Variants in SLC46A3 observed in about 807,000 individuals in gnomAD.
SLC46A3 encodes the protein lysosomal proton-coupled steroid conjugate and bile acid symporter SLC46A3.
Under a neutral mutation model 38.5 loss-of-function variants are expected in SLC46A3, and 26 were observed. The ratio of observed to expected loss-of-function variants is 0.68; its 90% confidence interval spans 0.49 to 0.94. The LOEUF (loss-of-function observed/expected upper bound fraction) is 0.94, where lower values mean the gene tolerates loss of function less well. SLC46A3 is among the 40% of genes least tolerant of loss of function. SLC46A3 has a pLI of 0.00. For missense variants in SLC46A3, 510 were observed against 544.3 expected (o/e 0.94, Z 0.63); for synonymous variants, 185 against 192.5 (o/e 0.96, Z 0.32).
At chr13:28,717,485 CTTTTTT>C (rs56878379) in intron 2 of SLC46A3, among the ~76,000 whole-genome samples, 3 of 126,912 alleles carry the variant, frequency 2.4e-5, no homozygotes, top group Admixed American at 8.1e-5. Flanking sequence ...AATTTTCAGA[CTTTTTT>C]TTTTTTTTTT....
At chr13:28,708,288 T>TA (rs1885235394) in intron 4 of SLC46A3, among the ~76,000 whole-genome samples, 1 of 152,194 alleles carries the variant, frequency 6.6e-6, no homozygotes, top group South Asian at 2.1e-4. Flanking sequence ...ACTCGCAGTG[T>TA]ATGAGGGCTC....
chr13:28,711,627 T>A (rs1662485635), intron 3 of SLC46A3, among the ~76,000 whole-genome samples: 1 of 152,240 alleles, frequency 6.6e-6, no homozygotes, highest in African/African-American at 2.4e-5. Flanking sequence ...TTCATCTTTG[T>A]GGCAGAATAA....
rs201432125 is a variant in SLC46A3, at chr13:28,713,144, G to T, written c.596C>A (p.Ser199Ter). 2.2e-5 allele frequency: 35 copies of T among 1,613,598 alleles called. No individual in the cohort carries two copies. The highest frequency in any genetic ancestry group is 3.3e-4 in the Middle Eastern group (2 of 6,062). The change falls in exon 3 of 6, where the codon TCG becomes TAG. Residue 199 changes from serine to a stop codon, truncating the protein, a stop_gained. Coordinates refer to ENST00000266943, the MANE Select transcript of SLC46A3 (RefSeq NM_181785.4). LOFTEE classifies it high-confidence loss of function. The stretch of plus-strand genomic sequence containing the variant: ...AAGAGACACAGCAATAATTAGAAAC[G>T]ACCACTCAAAACCTAGCTCTCTAAT... ...YFIRELGFEWSFLIIAVSLAV... is the reference protein window; with the variant it reads ...YFIRELGFEW
rs181557630 is a variant in SLC46A3, at chr13:28,713,209, T to C, written c.531A>G (p.Gly177=). 1.1e-5 allele frequency: 18 copies of C among 1,614,092 alleles called. No individual in the cohort carries two copies. The East Asian group carries it at 4.0e-4, about 36-fold the overall frequency. The change falls in exon 3 of 6, where the codon GGA becomes GGG. Residue 177 remains glycine, a synonymous_variant. Transcript: ENST00000266943. ...IRIAIIDFLL[G]LVTGLTGLSS... ...ACAGTCCTGTTAGTCCAGTAACAAGTCCAAGTAGAAAGTCAATGATAGCTA... is the reference window on the plus strand; with the variant it reads ...ACAGTCCTGTTAGTCCAGTAACAAGCCCAAGTAGAAAGTCAATGATAGCTA...
chr13:28,704,255 G>A, intron 4 of SLC46A3, 156 bp from the exon 5 acceptor site: 1 of 676,216 alleles, frequency 1.5e-6, no homozygotes, highest in South Asian at 2.1e-5. Context: ...CAAAGTCCCT[G>A]AGAAGTCAGC....
chr13:28,713,291 G>T lies in SLC46A3; in HGVS notation c.449C>A (p.Ala150Asp). The change falls in exon 3 of 6, where the codon GCT becomes GAT. Residue 150 changes from alanine to aspartate, a missense_variant. Coordinates refer to ENST00000266943, the MANE Select transcript of SLC46A3 (RefSeq NM_181785.4). ...FCGNYTTFWG[A>D]CFAYIVDQCK... Reference sequence around the variant, plus strand: ...CTGATCAACTATATAGGCAAAGCAAGCTCCCCAAAATGTGGTATAATTGCC... The same window carrying T: ...CTGATCAACTATATAGGCAAAGCAATCTCCCCAAAATGTGGTATAATTGCC... 1 of 1,613,926 alleles carries T rather than the reference G, an allele frequency of 6.2e-7. No homozygotes were observed.
chr13:28,714,554 G>T (rs1885470670), intron 2 of SLC46A3, among the ~76,000 whole-genome samples: 1 of 152,188 alleles, frequency 6.6e-6, no homozygotes, highest in South Asian at 2.1e-4. Context: ...TTTGAGACCA[G>T]CCTGGCCAAC....
intron 4 of SLC46A3, among the ~76,000 whole-genome samples, chr13:28,707,667 T>C (rs574571068): frequency 5.8e-4 from 89 of 152,290 alleles, no homozygotes; most frequent in African/African-American, 1.9e-3. Flanking sequence ...AAATTTTTTT[T>C]CCCAATAGCT....
At position 28,713,085 on chromosome 13, in the gene SLC46A3, C is replaced by A; in HGVS notation, c.655G>T (p.Gly219Ter). The A allele has an allele frequency of 6.2e-7, 1 of 1,610,640 alleles. No individual in the cohort carries two copies. The highest frequency in any genetic ancestry group is 8.5e-7 in the Non-Finnish European group (1 of 1,179,388). Residue 219 changes from glycine to a stop codon, truncating the protein, a stop_gained, in exon 3 of 6, where the codon GGA (glycine) becomes TGA (stop). Coordinates refer to ENST00000266943, the MANE Select transcript of SLC46A3 (RefSeq NM_181785.4). LOFTEE classifies it high-confidence loss of function. The part of the protein sequence containing the change: ...VNLIYILFFL[G>*]DPVKECSSQN... ...GATGAACACTCTTTCACTGGATCTC[C>A]GAGAAAAAATAAAATATAGATCAAA...
At position 28,713,127 on chromosome 13, in the gene SLC46A3, C is replaced by G. The variant is rs1885412763; in HGVS notation, c.613G>C (p.Val205Leu). 1 of 1,613,612 alleles carries G rather than the reference C, an allele frequency of 6.2e-7. No individual in the cohort carries two copies. ...TAGATCAAATTAACAGCAAGAGACA[C>G]AGCAATAATTAGAAACGACCACTCA... Reference protein sequence around the residue: ...GFEWSFLIIAVSLAVNLIYIL... With the variant: ...GFEWSFLIIALSLAVNLIYIL... The change falls in exon 3 of 6, where the codon GTG becomes CTG. Residue 205 changes from valine (V) to leucine (L), a missense_variant. By Grantham distance (32) the Val-to-Leu change is conservative. Transcript: ENST00000266943.
intron 2 of SLC46A3, among the ~76,000 whole-genome samples, chr13:28,716,678 C>T (rs1301121191): frequency 6.6e-6 from 1 of 151,976 alleles, no homozygotes; most frequent in East Asian, 1.9e-4. Context: ...CCCAAGAAAA[C>T]GTTTCCCATG....
In SLC46A3 at chr13:28,700,846, G is replaced by T; in HGVS notation, c.*651C>A. The T allele has an allele frequency of 2.4e-6, 2 of 846,132 alleles. No homozygotes were observed. The highest frequency in any genetic ancestry group is 3.6e-6 in the Non-Finnish European group (2 of 548,548). 52.4% of individuals were successfully genotyped at this position (846,132 alleles called of 1,614,324 possible). A position where few individuals can be genotyped will look rare whatever the true frequency, so the allele number is the denominator to read the frequency against. On this transcript the variant is annotated 3_prime_UTR_variant, in exon 6 of 6. Transcript: ENST00000266943. ...GTGAAAAATACATATTCTTTAAAGTGCCTCCCTTTTAAGGATTTTGTATCA... is the reference window on the plus strand; with the variant it reads ...GTGAAAAATACATATTCTTTAAAGTTCCTCCCTTTTAAGGATTTTGTATCA...
At chr13:28,712,522 G>T in intron 3 of SLC46A3, 158 bp downstream of exon 3, 1 of 600,048 alleles carries the variant, frequency 1.7e-6, no homozygotes, top group Non-Finnish European at 2.5e-6. Flanking sequence ...TTCGGCTTTT[G>T]GCTTATTGAC....
At position 28,700,975 on chromosome 13, in the gene SLC46A3, C is replaced by T. The variant is rs1282246489; in HGVS notation, c.*522G>A. 6 of 1,534,348 alleles carry T rather than the reference C, an allele frequency of 3.9e-6. No individual in the cohort carries two copies. The highest frequency in any genetic ancestry group is 4.4e-6 in the Non-Finnish European group (5 of 1,133,486). On this transcript the variant is annotated 3_prime_UTR_variant, in exon 6 of 6. Transcript: ENST00000266943. ...ACAGGCTCTATAAAATAAAGCATTA[C>T]CAAGTATAGGTAAAATCATACATAT...
chr13:28,717,515 C>T (rs1011209014), intron 2 of SLC46A3, among the ~76,000 whole-genome samples: 54 of 77,580 alleles, frequency 7.0e-4, no homozygotes, highest in African/African-American at 2.7e-3. Flanking sequence ...TTTTTTAGGA[C>T]AAAGCAAGGA....
rs1885012496 is a variant in SLC46A3, at chr13:28,701,361, C to G, written c.*136G>C. The G allele has an allele frequency of 1.4e-6, 2 of 1,452,058 alleles. No homozygotes were observed. Among genetic ancestry groups the G allele is most frequent in the Non-Finnish European group, 1.8e-6 (2 of 1,104,084 alleles). 89.9% of individuals were successfully genotyped at this position (1,452,058 alleles called of 1,614,324 possible). ...CTAAAGCCAGGAGCTGTCTCTCTGA[C>G]TGTTCAGTTTAGAAGAAAAGATAGG... On this transcript the variant is annotated 3_prime_UTR_variant, in exon 6 of 6. Transcript: ENST00000266943.
At chr13:28,710,963 T>A (rs1442269165) in intron 3 of SLC46A3, 120 bp from the exon 4 acceptor site, 4 of 688,520 alleles carry the variant, frequency 5.8e-6, no homozygotes, top group Non-Finnish European at 9.9e-6. Context: ...TAACTCATTG[T>A]ATCTAAAAAT....
chr13:28,713,372 T>G lies in SLC46A3; in HGVS notation c.368A>C (p.Tyr123Ser). The G allele has an allele frequency of 1.9e-6, 3 of 1,613,808 alleles. No individual in the cohort carries two copies. The South Asian group carries it at 3.3e-5, about 18-fold the overall frequency. The part of the protein sequence containing the change: ...ATSVWLCLLC[Y>S]FAFPFQLLIA... ...CAAAAGCTGGAATGGAAAGGCAAAATAGCAAAGCAAACAGAGCCAAACGCT... is the reference window on the plus strand; with the variant it reads ...CAAAAGCTGGAATGGAAAGGCAAAAGAGCAAAGCAAACAGAGCCAAACGCT... Residue 123 changes from tyrosine (Y) to serine (S), a missense_variant, in exon 3 of 6, where the codon TAT becomes TCT. Tyr to Ser is a moderately radical substitution (Grantham distance 144). Transcript: ENST00000266943.
At chr13:28,704,257 G>T (rs746267355) in intron 4 of SLC46A3, 158 bp from the exon 5 acceptor site, 315 of 654,886 alleles carry the variant, frequency 4.8e-4, no homozygotes, top group Non-Finnish European at 6.8e-4. Context: ...AAGTCCCTGA[G>T]AAGTCAGCAG....
Sources: allele counts gnomAD v4.1 joint callset (sites outside exome capture counted in the v4.1 genomes callset), GRCh38; gene constraint gnomAD v4.1.1; transcripts MANE v1.5; gene names NCBI Gene and HGNC (gene_info 2026-07-23, HGNC 2026-07-21).